The following SMARCA4 variants were observed in gnomAD, a reference collection of about 807,000 sequenced individuals.
The protein encoded by SMARCA4 is SWI/SNF related BAF chromatin remodeling complex subunit ATPase 4, also known as SWI/SNF-related matrix-associated actin-dependent regulator of chromatin subfamily A member 4.
A neutral mutation model predicts 193.9 loss-of-function variants in SMARCA4; 31 were observed. The observed-to-expected ratio is 0.16, with a 90% CI of 0.12 to 0.22. The LOEUF (loss-of-function observed/expected upper bound fraction) is 0.22, where lower values mean the gene tolerates loss of function less well. Among genes scored for constraint, SMARCA4 ranks in the 10% least tolerant of loss-of-function variants. The probability of loss-of-function intolerance (pLI) is 1.00; values close to 1 mark genes in which losing one functional copy is unlikely to be tolerated. For synonymous variants in SMARCA4, 942 were observed against 933.1 expected (o/e 1.01, Z -0.17); for missense variants, 1,148 against 2,296.0 (o/e 0.50, Z 10.22).
chr19:11,045,978 C>T (rs1246267028), intron 30 of SMARCA4, among the ~76,000 whole-genome samples: 1 of 152,114 alleles, frequency 6.6e-6, no homozygotes, highest in Non-Finnish European at 1.5e-5. Context: ...AATCCCAGCA[C>T]TTTGGGAGGC....
intron 1 of SMARCA4, among the ~76,000 whole-genome samples, chr19:10,978,418 C>G (rs1027683507): frequency 6.6e-6 from 1 of 152,096 alleles, no homozygotes; most frequent in Non-Finnish European, 1.5e-5. Flanking sequence ...ACTGCAACTT[C>G]CACCTACCGG....
intron 30 of SMARCA4, among the ~76,000 whole-genome samples, chr19:11,050,061 T>A (rs564321623): frequency 3.2e-4 from 48 of 152,202 alleles, no homozygotes; most frequent in Middle Eastern, 3.4e-3. Flanking sequence ...ATTGCACCAC[T>A]GCACTCCAGC....
In SMARCA4 at chr19:11,058,836, G is replaced by A. The variant is rs2147097906; in HGVS notation, c.4582G>A (p.Asp1528Asn). ...CCGCAGCCTCAACGACCTAGAGAAG[G>A]ACGTCATGCTCCTGTGCCAGAACGC... ...KYRSLNDLEK[D>N]VMLLCQNAQT... The change falls in exon 32 of 35, where the codon GAC (aspartate) becomes AAC (asparagine). Residue 1528 changes from aspartate (D) to asparagine (N), a missense_variant. Asp to Asn is a conservative substitution (Grantham distance 23). Coordinates refer to ENST00000344626, the MANE Select transcript of SMARCA4 (RefSeq NM_003072.5). This position sits in a 1 kb window ranked among gnomAD's most constrained non-coding sequence, Gnocchi z 5.8. 6.2e-7 allele frequency: 1 copy of A among 1,614,122 alleles called. No individual in the cohort carries two copies. Among genetic ancestry groups the A allele is most frequent in the Non-Finnish European group, 8.5e-7 (1 of 1,180,008 alleles).
Position 10,982,657 on chromosome 19 carries a change from G to A in SMARCA4, c.-31-1464G>A, listed in dbSNP as rs374413741. 2.1e-4 allele frequency among the ~76,000 whole-genome samples: 32 copies of A among 151,954 alleles called. 1 individual carries two copies. The highest frequency in any genetic ancestry group is 7.0e-4 in the African/African-American group (29 of 41,470). On this transcript the variant is annotated intron_variant, in intron 1 of 34. Coordinates refer to ENST00000344626, the MANE Select transcript of SMARCA4 (RefSeq NM_003072.5). ...TGGGACTACAGGTGCCTGCCACCATGCCCGGCTAAGCTTTTTTTTTGTATT... is the reference window on the plus strand; with the variant it reads ...TGGGACTACAGGTGCCTGCCACCATACCCGGCTAAGCTTTTTTTTTGTATT...
At chr19:11,010,892 G>A (rs1472552869) in intron 15 of SMARCA4, 2 of 358,848 alleles carry the variant, frequency 5.6e-6, no homozygotes, top group East Asian at 6.9e-5. Context: ...AACCAGGGCC[G>A]GAGCTCAGAT....
At chr19:11,029,716 C>T (rs1345591703) in intron 24 of SMARCA4, among the ~76,000 whole-genome samples, 2 of 152,178 alleles carry the variant, frequency 1.3e-5, no homozygotes, top group Non-Finnish European at 2.9e-5. Context: ...TCTTGTTGCC[C>T]AGGCTGGAGT....
At chr19:11,046,802 A>T (rs1035651463) in intron 30 of SMARCA4, among the ~76,000 whole-genome samples, 2 of 151,898 alleles carry the variant, frequency 1.3e-5, no homozygotes, top group Non-Finnish European at 2.9e-5. Flanking sequence ...CAAAAAATAC[A>T]AAAATTAGCC....
intron 34 of SMARCA4, among the ~76,000 whole-genome samples, chr19:11,061,533 G>A (rs894554341): frequency 8.5e-5 from 13 of 152,134 alleles, no homozygotes; most frequent in Non-Finnish European, 1.2e-4. Context: ...CCGCCACCAC[G>A]CCCGGCTAAT....
chr19:10,969,979 CA>C (rs1482726611), intron 1 of SMARCA4, among the ~76,000 whole-genome samples: 1 of 152,224 alleles, frequency 6.6e-6, no homozygotes. Context: ...TGGCCGCACC[CA>C]CTTGCCCTCT....
intron 1 of SMARCA4, among the ~76,000 whole-genome samples, chr19:10,970,655 CTTTGGCCTCCCAA>C (rs1228990610): frequency 6.6e-6 from 1 of 152,232 alleles, no homozygotes; most frequent in Non-Finnish European, 1.5e-5. Flanking sequence ...AGTCCTCCCA[CTTTGGCCTCCCAA>C]AGCACTGTGC....
chr19:11,036,726 C>G (rs2075292228), intron 29 of SMARCA4, among the ~76,000 whole-genome samples: 2 of 152,166 alleles, frequency 1.3e-5, no homozygotes, highest in African/African-American at 4.8e-5. Flanking sequence ...GTGCATCTCT[C>G]ACCACAGTCC....
At chr19:11,015,979 C>G (rs2089317634) in intron 16 of SMARCA4, 1 of 152,050 alleles carries the variant, frequency 6.6e-6, no homozygotes, top group Non-Finnish European at 1.5e-5. Context: ...CCATTGCATT[C>G]CAGCCTGGGC....
rs550731833 is a variant in SMARCA4, at chr19:11,008,008, C to T, written c.2108C>T (p.Ala703Val). 6 of 1,613,236 alleles carry T rather than the reference C, an allele frequency of 3.7e-6. No individual in the cohort carries two copies. The highest frequency in any genetic ancestry group is 5.1e-6 in the Non-Finnish European group (6 of 1,179,526). Residue 703 changes from alanine (A) to valine (V), a missense_variant, in exon 14 of 35, where the codon GCG becomes GTG. This residue lies in a region of SMARCA4 where 115 missense variants were observed against 175.1 expected (regional missense o/e 0.66). Coordinates refer to ENST00000344626, the MANE Select transcript of SMARCA4 (RefSeq NM_003072.5). ...PDSDDVSEVD[A>V]RHIIENAKQD... Reference sequence around the variant, plus strand: ...AGCGATGACGTCTCTGAGGTGGACGCGCGGCACATCATTGAGTAAGGGGTC... The same window carrying T: ...AGCGATGACGTCTCTGAGGTGGACGTGCGGCACATCATTGAGTAAGGGGTC...
rs536463327 is a variant in SMARCA4, at chr19:11,015,944, G to C, written c.2438+2832G>C. The C allele has an allele frequency of 3.9e-5, 6 of 152,292 alleles. No homozygotes were observed. The East Asian group carries it at 1.2e-3, about 29-fold the overall frequency. 9.4% of individuals were successfully genotyped at this position (152,292 alleles called of 1,614,324 possible). On this transcript the variant is annotated intron_variant, in intron 16 of 34. Transcript: ENST00000344626. ...GAGAATCACTTGAACCTGGGAGACG[G>C]GGGTTGCAGTGAGCCAATATCGTGC...
At chr19:10,999,604 G>A (rs185157944) in intron 11 of SMARCA4, among the ~76,000 whole-genome samples, 7 of 152,226 alleles carry the variant, frequency 4.6e-5, no homozygotes, top group Admixed American at 2.0e-4. Flanking sequence ...GCTATAGTGA[G>A]CTGTAATCTC....
intron 16 of SMARCA4, among the ~76,000 whole-genome samples, chr19:11,017,632 T>C (rs758181267): frequency 1.3e-5 from 2 of 152,246 alleles, no homozygotes; most frequent in Non-Finnish European, 2.9e-5. Flanking sequence ...CCCTTGCTCC[T>C]GGCTCTTCTC....
chr19:11,061,323 T>A (rs1600661824), intron 34 of SMARCA4, among the ~76,000 whole-genome samples: 2 of 144,722 alleles, frequency 1.4e-5, no homozygotes, highest in Admixed American at 1.4e-4. Flanking sequence ...GCCAGGCAGG[T>A]GACATGGGAC....
rs868624224 is a variant in SMARCA4, at chr19:10,987,184, C to T, written c.859+181C>T. Reference sequence around the variant, plus strand: ...TAGCCAGTCAGTTCCCAAAGGCTGTCGTTCATCCCTCCTCTGACAGCTTGT... The same window carrying T: ...TAGCCAGTCAGTTCCCAAAGGCTGTTGTTCATCCCTCCTCTGACAGCTTGT... On this transcript the variant is annotated intron_variant, in intron 5 of 34. Coordinates refer to ENST00000344626, the MANE Select transcript of SMARCA4 (RefSeq NM_003072.5). The surrounding 1 kb of genome is among the most constrained non-coding windows in gnomAD (Gnocchi z 5.3). 1.3e-5 allele frequency among the ~76,000 whole-genome samples: 2 copies of T among 152,208 alleles called. No individual in the cohort carries two copies. The highest frequency in any genetic ancestry group is 4.1e-4 in the South Asian group (2 of 4,836).
At chr19:11,051,685 T>G (rs1443415305) in intron 30 of SMARCA4, among the ~76,000 whole-genome samples, 1 of 151,998 alleles carries the variant, frequency 6.6e-6, no homozygotes, top group African/African-American at 2.4e-5. Context: ...GAGATGGGGT[T>G]TAACCACGTT....
Sources: allele counts gnomAD v4.1 joint callset (sites outside exome capture counted in the v4.1 genomes callset), GRCh38; gene constraint gnomAD v4.1.1; regional missense constraint gnomAD v4.1.1; non-coding constraint Gnocchi (gnomAD v3.1); transcripts MANE v1.5; gene names NCBI Gene and HGNC (gene_info 2026-07-23, HGNC 2026-07-21).